ATP10B: variants seen among roughly 807,000 people sequenced by gnomAD.
ATP10B encodes the protein phospholipid-transporting ATPase VB.
A neutral mutation model predicts 141.2 loss-of-function variants in ATP10B; 122 were observed. That is an observed-to-expected ratio of 0.86 (90% CI 0.75 to 1.00). The LOEUF (loss-of-function observed/expected upper bound fraction) is 1.00. ATP10B is among the 50% of genes least tolerant of loss of function. The pLI, the probability that ATP10B is intolerant of heterozygous loss-of-function variation, is 0.00. For missense variants in ATP10B, 1,876 were observed against 1,825.3 expected (o/e 1.03, Z -0.51); for synonymous variants, 685 against 692.0 (o/e 0.99, Z 0.16).
chr5:160,774,324 G>A (rs1266938624), intron 2 of ATP10B, among the ~76,000 whole-genome samples: 1 of 152,210 alleles, frequency 6.6e-6, no homozygotes, highest in Non-Finnish European at 1.5e-5. Flanking sequence ...CCCCGGAGAA[G>A]CAGCTGAAAT....
chr5:160,763,382 T>C (rs1769182406), intron 2 of ATP10B, among the ~76,000 whole-genome samples: 1 of 152,006 alleles, frequency 6.6e-6, no homozygotes, highest in South Asian at 2.1e-4. Context: ...CACAGTGAAA[T>C]AAAATTGAAA....
the ATP10B span, among the ~76,000 whole-genome samples, chr5:160,887,627 C>T: frequency 6.6e-6 from 1 of 152,284 alleles, no homozygotes; most frequent in South Asian, 2.1e-4. Flanking sequence ...CTCAACCTTG[C>T]TGTGTCTCCC....
At chr5:160,682,210 G>T (rs546596836) in intron 6 of ATP10B, among the ~76,000 whole-genome samples, 1 of 152,176 alleles carries the variant, frequency 6.6e-6, no homozygotes, top group South Asian at 2.1e-4. Flanking sequence ...AATCAAAGAT[G>T]AACAGGTTTC....
intron 3 of ATP10B, among the ~76,000 whole-genome samples, chr5:160,704,210 C>T (rs183273335): frequency 4.0e-5 from 6 of 151,694 alleles, no homozygotes; most frequent in Admixed American, 1.3e-4. Flanking sequence ...AACTACCATG[C>T]GTGGCTATTT....
chr5:160,794,405 A>G (rs879925165), intron 1 of ATP10B, among the ~76,000 whole-genome samples: 28 of 152,178 alleles, frequency 1.8e-4, no homozygotes, highest in Non-Finnish European at 3.5e-4. Flanking sequence ...TTTTCTTAGA[A>G]TTGCATTCCT....
chr5:160,631,323 G>T (rs1758927422), intron 13 of ATP10B, among the ~76,000 whole-genome samples: 1 of 152,198 alleles, frequency 6.6e-6, no homozygotes, highest in African/African-American at 2.4e-5. Flanking sequence ...GTCTTGCCTT[G>T]ACTTCTAAGA....
chr5:160,586,379 A>G (rs1363541409), intron 24 of ATP10B, among the ~76,000 whole-genome samples: 1 of 151,960 alleles, frequency 6.6e-6, no homozygotes, highest in South Asian at 2.1e-4. Context: ...CCAATCTGTC[A>G]TTGGGTATTT....
chr5:160,748,932 G>A lies in ATP10B; in HGVS notation c.-330-31898C>T, dbSNP rs116206407. 8.6e-3 allele frequency among the ~76,000 whole-genome samples: 1,309 copies of A among 152,236 alleles called. 18 individuals are homozygous for A. The highest frequency in any genetic ancestry group is 0.03 in the African/African-American group (1,233 of 41,546). ...GGCTAGGCCCTGCACTTGGCCCCCCGTATAAATGACCTCTAATATTCATAG... is the reference window on the plus strand; with the variant it reads ...GGCTAGGCCCTGCACTTGGCCCCCCATATAAATGACCTCTAATATTCATAG... On this transcript the variant is annotated intron_variant, in intron 2 of 25. Coordinates refer to ENST00000327245, the MANE Select transcript of ATP10B (RefSeq NM_025153.3).
At chr5:160,705,207 G>A (rs540556272) in intron 3 of ATP10B, among the ~76,000 whole-genome samples, 190 of 151,880 alleles carry the variant, frequency 1.3e-3, no homozygotes, top group African/African-American at 4.4e-3. Context: ...CGTGAGCCAC[G>A]GTGCCCAACC....
At chr5:160,878,394 A>G in the ATP10B span, among the ~76,000 whole-genome samples, 108 of 151,954 alleles carry the variant, frequency 7.1e-4, no homozygotes, top group South Asian at 0.018. Flanking sequence ...AAGATGGATT[A>G]AAGACTTAAA....
rs1312291584 is a variant in ATP10B at position 160,757,695 on chromosome 5, G to A, written c.-331+27864C>T. ...TGGAGAGTCAGTGTGGTATGGATGG[G>A]GGGATATATATGGTGGAGGTGTTAG... On this transcript the variant is annotated intron_variant, in intron 2 of 25. Transcript: ENST00000327245. Among the ~76,000 whole-genome samples the A allele has an allele frequency of 2.6e-5, 4 of 152,192 alleles. No homozygotes were observed. The East Asian group carries it at 7.7e-4, about 29-fold the overall frequency.
chr5:160,720,623 C>T (rs1336581315), intron 2 of ATP10B, among the ~76,000 whole-genome samples: 1 of 152,194 alleles, frequency 6.6e-6, no homozygotes, highest in African/African-American at 2.4e-5. Context: ...CTTCTTATTT[C>T]AACAATTTCA....
chr5:160,593,551 G>A (rs1305766829), intron 22 of ATP10B, among the ~76,000 whole-genome samples: 1 of 152,234 alleles, frequency 6.6e-6, no homozygotes, highest in Non-Finnish European at 1.5e-5. Flanking sequence ...ACCAGCAATG[G>A]AACAAAGCTG....
chr5:160,647,231 G>C (rs1760354073), intron 8 of ATP10B, among the ~76,000 whole-genome samples: 1 of 152,212 alleles, frequency 6.6e-6, no homozygotes, highest in Admixed American at 6.5e-5. Context: ...ACCCACAGAA[G>C]CTTCTGGGAA....
chr5:160,737,167 G>C (rs1160801470), intron 2 of ATP10B, among the ~76,000 whole-genome samples: 2 of 152,172 alleles, frequency 1.3e-5, no homozygotes, highest in East Asian at 3.8e-4. Flanking sequence ...ACATAATCAT[G>C]TTATTTGGTG....
intron 1 of ATP10B, among the ~76,000 whole-genome samples, chr5:160,817,812 T>C (rs375248889): frequency 6.6e-6 from 1 of 152,028 alleles, no homozygotes; most frequent in South Asian, 2.1e-4. Flanking sequence ...TATAGACCAA[T>C]GGAACAGAAC....
chr5:160,597,366 C>T (rs1199304921), intron 22 of ATP10B, among the ~76,000 whole-genome samples: 1 of 152,136 alleles, frequency 6.6e-6, no homozygotes, highest in Non-Finnish European at 1.5e-5. Flanking sequence ...AACTGGATCC[C>T]TTCCTTACAC....
At chr5:160,867,813 A>T in the ATP10B span, among the ~76,000 whole-genome samples, 1 of 152,176 alleles carries the variant, frequency 6.6e-6, no homozygotes, top group African/African-American at 2.4e-5. Flanking sequence ...GGAAACTGTT[A>T]TAAGAATATA....
At chr5:160,721,344 C>T (rs111538224) in intron 2 of ATP10B, among the ~76,000 whole-genome samples, 8 of 152,038 alleles carry the variant, frequency 5.3e-5, no homozygotes, top group African/African-American at 1.4e-4. Context: ...CTAGTACTGC[C>T]ACATCAGGGC....
Sources: gnomAD v4.1 joint callset for allele counts (sites outside exome capture counted in the v4.1 genomes callset) on GRCh38, gnomAD v4.1.1 for gene constraint, MANE v1.5 for transcripts, NCBI Gene and HGNC (gene_info 2026-07-23, HGNC 2026-07-21) for gene names.